The following DNM3 variants were observed in gnomAD, a reference collection of about 807,000 sequenced individuals.
DNM3 encodes the protein dynamin-3.
A neutral mutation model predicts 101.6 loss-of-function variants in DNM3; 47 were observed. That is an observed-to-expected ratio of 0.46 (90% CI 0.37 to 0.59). The LOEUF (loss-of-function observed/expected upper bound fraction) is 0.59. Ranked by LOEUF, DNM3 falls within the 20% of genes least tolerant of loss-of-function variation. The pLI, the probability that DNM3 is intolerant of heterozygous loss-of-function variation, is 0.00. For synonymous variants in DNM3, 385 were observed against 387.9 expected, an observed-to-expected ratio of 0.99 and a Z score of 0.09; for missense variants, 849 against 1,085.7, an observed-to-expected ratio of 0.78 and a Z score of 3.06.
intron 11 of DNM3, among the ~76,000 whole-genome samples, chr1:172,076,071 T>C (rs1164991759): frequency 6.6e-6 from 1 of 152,168 alleles, no homozygotes; most frequent in East Asian, 1.9e-4. Context: ...ATTCTCTTTG[T>C]AGCAATTGCT....
chr1:172,280,950 G>A (rs1317369101), intron 15 of DNM3, among the ~76,000 whole-genome samples: 2 of 152,138 alleles, frequency 1.3e-5, no homozygotes, highest in African/African-American at 4.8e-5. Context: ...TCTGGAGATT[G>A]GAATATGGGA....
intron 2 of DNM3, among the ~76,000 whole-genome samples, chr1:171,927,946 G>A (rs1035377034): frequency 6.6e-6 from 1 of 152,124 alleles, no homozygotes; most frequent in Non-Finnish European, 1.5e-5. Context: ...TTCTTGCTTT[G>A]GTTCTTTCTC....
At chr1:172,349,653 T>C (rs2067109193) in intron 17 of DNM3, among the ~76,000 whole-genome samples, 1 of 152,180 alleles carries the variant, frequency 6.6e-6, no homozygotes, top group African/African-American at 2.4e-5. Flanking sequence ...CAAATATCTA[T>C]TTTCTAAATT....
intron 14 of DNM3, among the ~76,000 whole-genome samples, chr1:172,213,490 T>C (rs2060581313): frequency 1.1e-5 from 1 of 89,104 alleles, no homozygotes; most frequent in Admixed American, 1.2e-4. Flanking sequence ...AAACAAAGCT[T>C]ACAGAACAAT....
chr1:171,889,441 G>A (rs573326563), intron 1 of DNM3, among the ~76,000 whole-genome samples: 1 of 152,232 alleles, frequency 6.6e-6, no homozygotes, highest in Admixed American at 6.5e-5. Flanking sequence ...CATATACGAA[G>A]GAAAAATACA....
intron 4 of DNM3, among the ~76,000 whole-genome samples, chr1:172,020,219 C>G (rs2047738569): frequency 1.3e-5 from 2 of 152,146 alleles, no homozygotes; most frequent in Admixed American, 6.5e-5. Context: ...ACAAGTCTCA[C>G]AAGTGCTTCT....
chr1:172,408,048 G>A lies in DNM3; in HGVS notation c.*207G>A. ...ACTCAGAAACTGCTAACCTTTTAGA[G>A]GCTTTATATGTTGTACTGACCAAGG... is the stretch of plus-strand genomic sequence containing the variant. On this transcript the variant is annotated 3_prime_UTR_variant, in exon 21 of 21. Coordinates refer to ENST00000627582, the MANE Select transcript of DNM3 (RefSeq NM_015569.5). 1.4e-6 allele frequency: 2 copies of A among 1,418,062 alleles called. No individual in the cohort carries two copies. The highest frequency in any genetic ancestry group is 1.8e-6 in the Non-Finnish European group (2 of 1,085,784). The allele number at this position is 1,418,062 out of a possible 1,614,324, so 87.8% of individuals were successfully genotyped here. A position where few individuals can be genotyped will look rare whatever the true frequency, so the allele number is the denominator to read the frequency against.
chr1:171,955,991 C>A (rs2042831326), intron 2 of DNM3, among the ~76,000 whole-genome samples: 1 of 152,134 alleles, frequency 6.6e-6, no homozygotes, highest in African/African-American at 2.4e-5. Context: ...AAGATCCGCC[C>A]CCATAATTCA....
At chr1:172,222,928 AT>A (rs2060962582) in intron 14 of DNM3, among the ~76,000 whole-genome samples, 1 of 152,080 alleles carries the variant, frequency 6.6e-6, no homozygotes, top group Admixed American at 6.6e-5. Flanking sequence ...TTCTTTTTAA[AT>A]TTTTTAAGTG....
intron 14 of DNM3, among the ~76,000 whole-genome samples, chr1:172,156,884 TGTA>T (rs985628519): frequency 2.0e-5 from 3 of 152,082 alleles, no homozygotes; most frequent in Non-Finnish European, 4.4e-5. Context: ...GTTACTTAAC[TGTA>T]GTTAATTCAC....
intron 14 of DNM3, among the ~76,000 whole-genome samples, chr1:172,205,111 T>G (rs1259979777): frequency 1.3e-5 from 2 of 152,190 alleles, no homozygotes; most frequent in Admixed American, 1.3e-4. Context: ...TGTTTCATGA[T>G]GTAAAATGTA....
intron 4 of DNM3, among the ~76,000 whole-genome samples, chr1:172,024,787 C>T (rs1432412293): frequency 1.3e-5 from 2 of 152,250 alleles, no homozygotes; most frequent in Non-Finnish European, 2.9e-5. Context: ...CTATGCTTTT[C>T]CCACGGTCTT....
chr1:172,010,816 T>C (rs2047076380), intron 4 of DNM3, among the ~76,000 whole-genome samples: 1 of 151,438 alleles, frequency 6.6e-6, no homozygotes, highest in South Asian at 2.1e-4. Context: ...ATGTTCGTGT[T>C]TTATTTTATA....
At chr1:172,348,655 G>A (rs1012844126) in intron 17 of DNM3, among the ~76,000 whole-genome samples, 2 of 152,104 alleles carry the variant, frequency 1.3e-5, no homozygotes, top group African/African-American at 2.4e-5. Context: ...AGAAAAGTTA[G>A]TGTTACCTAA....
chr1:172,392,534 T>G (rs531702639), intron 20 of DNM3, among the ~76,000 whole-genome samples: 4 of 152,362 alleles, frequency 2.6e-5, no homozygotes, highest in Non-Finnish European at 5.9e-5. Flanking sequence ...ACTTTAGAGC[T>G]GATGTAACTA....
chr1:172,100,693 G>A (rs906073259), intron 13 of DNM3, among the ~76,000 whole-genome samples: 1 of 152,142 alleles, frequency 6.6e-6, no homozygotes, highest in African/African-American at 2.4e-5. Flanking sequence ...GGAAAAAAGG[G>A]AATTTGTTAG....
intron 14 of DNM3, 142 bp downstream of exon 14, chr1:172,131,430 ACT>A: frequency 1.5e-6 from 1 of 673,438 alleles, no homozygotes; most frequent in Non-Finnish European, 2.4e-6. Context: ...TTAAAAAGGC[ACT>A]ATTATTTTCT....
At chr1:172,096,263 G>A (rs1318307061) in intron 13 of DNM3, among the ~76,000 whole-genome samples, 1 of 152,056 alleles carries the variant, frequency 6.6e-6, no homozygotes, top group African/African-American at 2.4e-5. Flanking sequence ...TCCTTCATTA[G>A]GACGTAAGAC....
intron 11 of DNM3, among the ~76,000 whole-genome samples, chr1:172,079,772 G>T (rs1331848254): frequency 6.6e-6 from 1 of 152,090 alleles, no homozygotes; most frequent in Non-Finnish European, 1.5e-5. Context: ...TCTACCTTTG[G>T]TCTTTGATGT....
Sources: gnomAD v4.1 joint callset for allele counts (sites outside exome capture counted in the v4.1 genomes callset) on GRCh38, gnomAD v4.1.1 for gene constraint, MANE v1.5 for transcripts, NCBI Gene and HGNC (gene_info 2026-07-23, HGNC 2026-07-21) for gene names.